Variants in PDE7B observed in about 807,000 individuals in gnomAD.
The protein encoded by PDE7B is phosphodiesterase 7B.
PDE7B carries 29 observed loss-of-function variants against 56.2 expected under a neutral mutation model. That is an observed-to-expected ratio of 0.52 (90% CI 0.38 to 0.70). The LOEUF is 0.70. Among genes scored for constraint, PDE7B ranks in the 30% least tolerant of loss-of-function variants. PDE7B has a pLI of 0.00. For synonymous variants in PDE7B, 197 were observed against 196.9 expected (o/e 1.00, Z 0.00); for missense variants, 490 against 565.0 (o/e 0.87, Z 1.35).
intron 2 of PDE7B, among the ~76,000 whole-genome samples, chr6:136,085,887 G>A (rs1235494546): frequency 6.6e-6 from 1 of 152,156 alleles, no homozygotes; most frequent in Admixed American, 6.5e-5. Context: ...GGCTCAAGCA[G>A]TATTTTACAA....
intron 1 of PDE7B, among the ~76,000 whole-genome samples, chr6:135,871,124 G>A (rs1775371271): frequency 6.6e-6 from 1 of 152,152 alleles, no homozygotes; most frequent in South Asian, 2.1e-4. Context: ...GGAATCTGCT[G>A]CTCTCTATTT....
intron 2 of PDE7B, among the ~76,000 whole-genome samples, chr6:136,055,631 A>AAAGAT (rs1475333303): frequency 2.0e-5 from 3 of 152,210 alleles, no homozygotes; most frequent in African/African-American, 7.2e-5. Context: ...GTTTAGATTA[A>AAAGAT]AAGATAAATA....
At chr6:136,018,346 C>CA (rs1208348542) in intron 2 of PDE7B, among the ~76,000 whole-genome samples, 1 of 152,220 alleles carries the variant, frequency 6.6e-6, no homozygotes, top group Non-Finnish European at 1.5e-5. Context: ...ACCTGAAAGA[C>CA]AGACTGATTT....
At chr6:136,190,797 G>A (rs1779210156) in intron 12 of PDE7B, among the ~76,000 whole-genome samples, 1 of 152,054 alleles carries the variant, frequency 6.6e-6, no homozygotes, top group African/African-American at 2.4e-5. Flanking sequence ...CTTTCATACA[G>A]GTAAAAATCT....
chr6:136,021,760 G>A (rs937739923), intron 2 of PDE7B, among the ~76,000 whole-genome samples: 1 of 151,802 alleles, frequency 6.6e-6, no homozygotes, highest in African/African-American at 2.4e-5. Context: ...ATTAATTTCT[G>A]CTTCTATTCT....
intron 1 of PDE7B, among the ~76,000 whole-genome samples, chr6:135,928,528 TACAC>T (rs747659706): frequency 3.7e-5 from 5 of 134,744 alleles, no homozygotes; most frequent in Non-Finnish European, 6.3e-5. Context: ...TTTATATATA[TACAC>T]ACACACACAC....
chr6:135,865,651 A>G (rs200013671), intron 1 of PDE7B, among the ~76,000 whole-genome samples: 81 of 104,174 alleles, frequency 7.8e-4, no homozygotes, highest in Middle Eastern at 4.8e-3. Flanking sequence ...GTGTGTGTGT[A>G]TGTGTGGAGA....
At chr6:135,981,002 T>C (rs570856940) in intron 2 of PDE7B, among the ~76,000 whole-genome samples, 65 of 148,792 alleles carry the variant, frequency 4.4e-4, no homozygotes, top group African/African-American at 1.4e-3. Flanking sequence ...TATTGCGGCA[T>C]TATTCACAAT....
Position 135,851,795 on chromosome 6 carries a change from C to A in PDE7B, c.-204C>A. The A allele has an allele frequency of 1.9e-6, 1 of 533,222 alleles. No homozygotes were observed. The highest frequency in any genetic ancestry group is 2.6e-5 in the South Asian group (1 of 38,190). 33.0% of individuals were successfully genotyped at this position (533,222 alleles called of 1,614,324 possible). On this transcript the variant is annotated 5_prime_UTR_variant, in exon 1 of 13. Coordinates refer to ENST00000308191, the MANE Select transcript of PDE7B (RefSeq NM_018945.4). ...CACCCAGGGAGAGTCTCTCTTTCTA[C>A]CTTCCTTCTTTCTCGATCTCCTTGT...
chr6:136,072,550 T>A (rs1777066715), intron 2 of PDE7B: 1 of 152,192 alleles, frequency 6.6e-6, no homozygotes, highest in African/African-American at 2.4e-5. Flanking sequence ...CTATTTTACC[T>A]TAATCAGTTT....
intron 2 of PDE7B, among the ~76,000 whole-genome samples, chr6:136,088,346 A>G (rs1440722628): frequency 1.3e-5 from 2 of 152,216 alleles, no homozygotes; most frequent in African/African-American, 2.4e-5. Context: ...CGGAAATATT[A>G]TAGACAACTT....
intron 2 of PDE7B, among the ~76,000 whole-genome samples, chr6:136,045,662 G>T (rs1293900020): frequency 6.6e-6 from 1 of 152,022 alleles, no homozygotes; most frequent in African/African-American, 2.4e-5. Context: ...TGGGTCCAAG[G>T]GGCCAAGCTT....
chr6:135,994,308 G>A (rs141215565), intron 2 of PDE7B, among the ~76,000 whole-genome samples: 197 of 152,088 alleles, frequency 1.3e-3, no homozygotes, highest in African/African-American at 4.3e-3. Flanking sequence ...CACTTCATAC[G>A]AAAATGAAAA....
intron 1 of PDE7B, among the ~76,000 whole-genome samples, chr6:135,904,077 C>A: frequency 6.6e-6 from 1 of 152,160 alleles, no homozygotes; most frequent in East Asian, 1.9e-4. Flanking sequence ...AGTTTGTTCC[C>A]ATCACATCAA....
chr6:135,865,547 G>T (rs1472221746), intron 1 of PDE7B, among the ~76,000 whole-genome samples: 1 of 151,768 alleles, frequency 6.6e-6, no homozygotes, highest in Non-Finnish European at 1.5e-5. Context: ...GTTGTCTGCT[G>T]CTGCTGCTGG....
intron 8 of PDE7B, among the ~76,000 whole-genome samples, chr6:136,164,589 A>G (rs780834423): frequency 6.6e-6 from 1 of 152,188 alleles, no homozygotes; most frequent in Non-Finnish European, 1.5e-5. Flanking sequence ...GTTTTGACCA[A>G]TGAGTTTCTG....
chr6:136,165,885 G>A (rs960849896), intron 8 of PDE7B, among the ~76,000 whole-genome samples: 3 of 152,106 alleles, frequency 2.0e-5, no homozygotes, highest in Admixed American at 6.5e-5. Context: ...TAAAAACTGA[G>A]GTTCTGTGAG....
At chr6:135,877,829 T>G (rs1040920773) in intron 1 of PDE7B, among the ~76,000 whole-genome samples, 1 of 150,852 alleles carries the variant, frequency 6.6e-6, no homozygotes, top group African/African-American at 2.4e-5. Context: ...CGTCAGTGGA[T>G]GATTAAAGTG....
At chr6:135,906,825 T>TTTTTTTTTTTTTTTTTTTTTTTG (rs1562434131) in intron 1 of PDE7B, among the ~76,000 whole-genome samples, 2 of 145,782 alleles carry the variant, frequency 1.4e-5, no homozygotes, top group African/African-American at 5.2e-5. Flanking sequence ...TTTTTTTTTT[T>TTTTTTTTTTTTTTTTTTTTTTTG]TTTTTTTTTT....
Sources: allele counts gnomAD v4.1 joint callset (sites outside exome capture counted in the v4.1 genomes callset), GRCh38; gene constraint gnomAD v4.1.1; transcripts MANE v1.5; gene names NCBI Gene and HGNC (gene_info 2026-07-23, HGNC 2026-07-21).